The following CACNA2D3 variants were observed in gnomAD, a reference collection of about 807,000 sequenced individuals.
CACNA2D3 encodes the protein voltage-dependent calcium channel subunit alpha-2/delta-3.
A neutral mutation model predicts 160.6 loss-of-function variants in CACNA2D3; 60 were observed. The ratio of observed to expected loss-of-function variants is 0.37; its 90% CI spans 0.30 to 0.46. The LOEUF (loss-of-function observed/expected upper bound fraction) is 0.46, where lower values mean the gene tolerates loss of function less well. CACNA2D3 is among the 20% of genes least tolerant of loss of function. CACNA2D3 has a pLI of 1.00. For missense variants in CACNA2D3, 1,205 were observed against 1,365.0 expected, an observed-to-expected ratio of 0.88 and a Z score of 1.85; for synonymous variants, 558 against 492.9, an observed-to-expected ratio of 1.13 and a Z score of -1.75.
At chr3:54,431,330 A>C (rs1238975194) in intron 4 of CACNA2D3, among the ~76,000 whole-genome samples, 1 of 151,282 alleles carries the variant, frequency 6.6e-6, no homozygotes. Flanking sequence ...TCCGTCTCAA[A>C]AAAAAAAAAA....
intron 4 of CACNA2D3, among the ~76,000 whole-genome samples, chr3:54,471,180 T>G (rs1282229407): frequency 6.6e-6 from 1 of 152,090 alleles, no homozygotes; most frequent in African/African-American, 2.4e-5. Context: ...CCTCAGCAAA[T>G]GCAAAAGAAC....
chr3:54,546,198 G>A (rs966655223), intron 5 of CACNA2D3, among the ~76,000 whole-genome samples: 1 of 152,204 alleles, frequency 6.6e-6, no homozygotes, highest in African/African-American at 2.4e-5. Context: ...AGGCAGCCCT[G>A]CAGGATGCAG....
At chr3:54,326,954 G>T (rs1284961925) in intron 3 of CACNA2D3, among the ~76,000 whole-genome samples, 1 of 151,690 alleles carries the variant, frequency 6.6e-6, no homozygotes, top group African/African-American at 2.4e-5. Context: ...CCTTTTTTTG[G>T]TAAACTGGGT....
chr3:54,896,691 A>G, intron 25 of CACNA2D3, 58 bp from the exon 26 acceptor site: 2 of 1,610,008 alleles, frequency 1.2e-6, no homozygotes, highest in Non-Finnish European at 8.5e-7. Flanking sequence ...GGGGTGCTCC[A>G]GGCCCACCTT....
chr3:54,379,745 T>C (rs991523328), intron 3 of CACNA2D3, among the ~76,000 whole-genome samples: 2 of 152,240 alleles, frequency 1.3e-5, no homozygotes, highest in Non-Finnish European at 2.9e-5. Context: ...AGCACTTCTC[T>C]TTCTCCTGCA....
intron 2 of CACNA2D3, among the ~76,000 whole-genome samples, chr3:54,249,697 A>ACACACACACACC (rs1491291745): frequency 2.1e-5 from 3 of 144,560 alleles, no homozygotes; most frequent in African/African-American, 7.9e-5. Context: ...ACACACACAC[A>ACACACACACACC]CCCCTCATCC....
At chr3:54,174,913 G>A (rs753027002) in intron 2 of CACNA2D3, among the ~76,000 whole-genome samples, 3 of 152,154 alleles carry the variant, frequency 2.0e-5, no homozygotes, top group Non-Finnish European at 4.4e-5. Flanking sequence ...TGGAGGCATC[G>A]ATTTTTGAGG....
intron 4 of CACNA2D3, among the ~76,000 whole-genome samples, chr3:54,500,942 G>A (rs1701285038): frequency 6.6e-6 from 1 of 152,180 alleles, no homozygotes; most frequent in Admixed American, 6.5e-5. Context: ...AGGCTGGAAA[G>A]CCCAAGATCA....
At chr3:54,957,898 C>A (rs1701941064) in intron 27 of CACNA2D3, among the ~76,000 whole-genome samples, 1 of 152,218 alleles carries the variant, frequency 6.6e-6, no homozygotes, top group African/African-American at 2.4e-5. Context: ...ATCCTTCCCT[C>A]CCCTGCTGAG....
intron 2 of CACNA2D3, among the ~76,000 whole-genome samples, chr3:54,293,281 A>G (rs1180554973): frequency 6.6e-6 from 1 of 151,966 alleles, no homozygotes; most frequent in Non-Finnish European, 1.5e-5. Context: ...GTAATTTCTG[A>G]GAATTTGGTG....
intron 2 of CACNA2D3, among the ~76,000 whole-genome samples, chr3:54,315,733 G>A (rs1046748851): frequency 2.6e-5 from 4 of 151,834 alleles, no homozygotes; most frequent in Admixed American, 2.6e-4. Context: ...GCACCATCCT[G>A]GGCCTGTGAT....
At chr3:54,726,872 A>C (rs1701286469) in intron 11 of CACNA2D3, among the ~76,000 whole-genome samples, 1 of 152,222 alleles carries the variant, frequency 6.6e-6, no homozygotes, top group South Asian at 2.1e-4. Context: ...TTCATGTCTA[A>C]AACACCAAAA....
At chr3:55,031,101 A>G (rs1301829513) in intron 35 of CACNA2D3, among the ~76,000 whole-genome samples, 1 of 152,188 alleles carries the variant, frequency 6.6e-6, no homozygotes, top group African/African-American at 2.4e-5. Flanking sequence ...AGCAGAGCCA[A>G]GGAATATTTT....
chr3:54,987,831 CA>C (rs1399451693), intron 31 of CACNA2D3, 78 bp downstream of exon 31: 13 of 1,044,230 alleles, frequency 1.2e-5, no homozygotes, highest in Non-Finnish European at 1.7e-5. Flanking sequence ...TCAAATAAAG[CA>C]AGCCCAGACT....
chr3:54,350,982 G>GTTTT (rs1491034355), intron 3 of CACNA2D3, among the ~76,000 whole-genome samples: 2 of 61,798 alleles, frequency 3.2e-5, no homozygotes, highest in African/African-American at 6.6e-5. Flanking sequence ...TTTTTTTTTT[G>GTTTT]TTTGTTTTTT....
intron 2 of CACNA2D3, among the ~76,000 whole-genome samples, chr3:54,262,435 C>T (rs1702419104): frequency 6.6e-6 from 1 of 152,140 alleles, no homozygotes; most frequent in African/African-American, 2.4e-5. Context: ...CGAAGGCAGG[C>T]ATTTATTCCT....
At chr3:54,821,672 C>G (rs998280183) in intron 14 of CACNA2D3, among the ~76,000 whole-genome samples, 1 of 120,302 alleles carries the variant, frequency 8.3e-6, no homozygotes. Context: ...TTCTTTCTTT[C>G]TTTCTTTCTT....
intron 2 of CACNA2D3, among the ~76,000 whole-genome samples, chr3:54,274,157 A>T (rs9840013): frequency 0.28 from 42,407 of 151,928 alleles, 6,440 homozygotes; most frequent in East Asian, 0.42. Flanking sequence ...ATATTTACAA[A>T]CAGAAACCTG....
intron 2 of CACNA2D3, among the ~76,000 whole-genome samples, chr3:54,218,289 C>T (rs1442566128): frequency 3.9e-5 from 6 of 152,184 alleles, no homozygotes; most frequent in Non-Finnish European, 8.8e-5. Flanking sequence ...TGGACTGTGA[C>T]CACCTAGACT....
Sources: gnomAD v4.1 joint callset for allele counts (sites outside exome capture counted in the v4.1 genomes callset) on GRCh38, gnomAD v4.1.1 for gene constraint, MANE v1.5 for transcripts, NCBI Gene and HGNC (gene_info 2026-07-23, HGNC 2026-07-21) for gene names.